Variants in NBEA observed in about 807,000 individuals in gnomAD.
NBEA encodes the protein neurobeachin, also known as lysosomal-trafficking regulator 2.
A neutral mutation model predicts 343.4 loss-of-function variants in NBEA; 44 were observed. The ratio of observed to expected loss-of-function variants is 0.13; its 90% CI spans 0.10 to 0.16. NBEA has a LOEUF of 0.16. Among genes scored for constraint, NBEA ranks in the 10% least tolerant of loss-of-function variants. The pLI, the probability that NBEA is intolerant of heterozygous loss-of-function variation, is 1.00. For synonymous variants in NBEA, 1,175 were observed against 1,238.7 expected (o/e 0.95, Z 1.08); for missense variants, 2,555 against 3,631.3 (o/e 0.70, Z 7.62).
intron 40 of NBEA, among the ~76,000 whole-genome samples, chr13:35,467,343 G>GCA (rs2075428367): frequency 6.6e-6 from 1 of 152,008 alleles, no homozygotes; most frequent in Non-Finnish European, 1.5e-5. Context: ...ATGGTGGTAT[G>GCA]CACCTGTAAT....
At chr13:35,037,368 C>A (rs1482292500) in intron 1 of NBEA, among the ~76,000 whole-genome samples, 1 of 152,154 alleles carries the variant, frequency 6.6e-6, no homozygotes, top group African/African-American at 2.4e-5. Context: ...AAAGGTCACA[C>A]ACATATCTTT....
chr13:35,310,135 A>T (rs892793216), intron 36 of NBEA, among the ~76,000 whole-genome samples: 1 of 152,118 alleles, frequency 6.6e-6, no homozygotes. Context: ...CCAAAAATAC[A>T]TTGACATTTA....
chr13:34,977,774 C>T (rs1320778352), intron 1 of NBEA, among the ~76,000 whole-genome samples: 2 of 152,126 alleles, frequency 1.3e-5, no homozygotes, highest in African/African-American at 4.8e-5. Flanking sequence ...ACTAGGCATT[C>T]AATCACTATT....
intron 39 of NBEA, among the ~76,000 whole-genome samples, chr13:35,449,487 T>C (rs1043872539): frequency 2.0e-5 from 3 of 152,190 alleles, no homozygotes; most frequent in Admixed American, 6.5e-5. Flanking sequence ...GTTCAGTTAA[T>C]AGTATTCAGG....
chr13:35,412,255 C>T (rs998807028), intron 38 of NBEA, among the ~76,000 whole-genome samples: 1 of 152,110 alleles, frequency 6.6e-6, no homozygotes, highest in Non-Finnish European at 1.5e-5. Flanking sequence ...CTATATATCA[C>T]TGAGAATACA....
chr13:35,535,751 G>C, intron 41 of NBEA, among the ~76,000 whole-genome samples: 1 of 152,138 alleles, frequency 6.6e-6, no homozygotes, highest in South Asian at 2.1e-4. Context: ...ACAAACTTTA[G>C]AGTCTGTGTG....
chr13:35,280,168 A>G (rs543802278), intron 34 of NBEA, among the ~76,000 whole-genome samples: 4 of 152,256 alleles, frequency 2.6e-5, no homozygotes, highest in African/African-American at 9.6e-5. Context: ...CCAACCAAAT[A>G]TATTCTTCTG....
At chr13:34,971,780 T>A (rs942407726) in intron 1 of NBEA, among the ~76,000 whole-genome samples, 1 of 152,074 alleles carries the variant, frequency 6.6e-6, no homozygotes, top group African/African-American at 2.4e-5. Flanking sequence ...GATTTTTGCA[T>A]CGATATTCAT....
chr13:35,566,719 C>G (rs1212281299), intron 44 of NBEA, among the ~76,000 whole-genome samples, 186 bp from the exon 45 acceptor site: 1 of 152,160 alleles, frequency 6.6e-6, no homozygotes, highest in African/African-American at 2.4e-5. Context: ...AATAGTAATT[C>G]TAGTTACGTC....
At chr13:35,369,527 G>A (rs2041313754) in intron 38 of NBEA, among the ~76,000 whole-genome samples, 2 of 151,888 alleles carry the variant, frequency 1.3e-5, no homozygotes, top group East Asian at 3.9e-4. Context: ...AGCATTGGAT[G>A]TCTTTCCCTC....
intron 23 of NBEA, 84 bp from the exon 24 acceptor site, chr13:35,164,272 T>C: frequency 8.1e-7 from 1 of 1,236,658 alleles, no homozygotes; most frequent in Middle Eastern, 2.3e-4. Flanking sequence ...TACAGTTCTA[T>C]AATTTTTCAC....
chr13:35,136,297 G>T (rs1457082839), intron 17 of NBEA, among the ~76,000 whole-genome samples: 4 of 152,052 alleles, frequency 2.6e-5, no homozygotes, highest in Non-Finnish European at 5.9e-5. Context: ...GATATACCTG[G>T]TTTTTCTTCT....
At chr13:35,465,431 T>C (rs1158174959) in intron 40 of NBEA, among the ~76,000 whole-genome samples, 2 of 152,082 alleles carry the variant, frequency 1.3e-5, no homozygotes, top group Non-Finnish European at 2.9e-5. Flanking sequence ...ACTATGGAAA[T>C]ATAAAGGCAA....
intron 1 of NBEA, among the ~76,000 whole-genome samples, chr13:35,005,241 A>G (rs1261966097): frequency 6.7e-6 from 1 of 149,962 alleles, no homozygotes; most frequent in Admixed American, 6.7e-5. Context: ...TCTGACCATG[A>G]TAATAAAGAT....
intron 1 of NBEA, among the ~76,000 whole-genome samples, chr13:34,961,938 G>C (rs1209623780): frequency 6.6e-6 from 1 of 152,004 alleles, no homozygotes; most frequent in African/African-American, 2.4e-5. Context: ...ACTTAATTTT[G>C]AGGGCTAGGT....
chr13:35,208,516 A>G (rs961789900), intron 31 of NBEA, among the ~76,000 whole-genome samples, 184 bp from the exon 32 acceptor site: 1 of 152,218 alleles, frequency 6.6e-6, no homozygotes, highest in Non-Finnish European at 1.5e-5. Context: ...AACACACTTT[A>G]TAATATATCC....
At chr13:35,022,630 A>T (rs1254810365) in intron 1 of NBEA, among the ~76,000 whole-genome samples, 1 of 152,086 alleles carries the variant, frequency 6.6e-6, no homozygotes, top group East Asian at 1.9e-4. Flanking sequence ...TAAAGGTTAA[A>T]TGCTTGGTGG....
intron 33 of NBEA, among the ~76,000 whole-genome samples, chr13:35,229,631 A>G (rs1223074935): frequency 1.3e-5 from 2 of 152,124 alleles, no homozygotes; most frequent in Non-Finnish European, 2.9e-5. Flanking sequence ...AATTGGGGAA[A>G]AGGAGTTTTA....
chr13:35,010,741 A>AAAAATATATATAT (rs1555275017), intron 1 of NBEA, among the ~76,000 whole-genome samples: 1 of 31,966 alleles, frequency 3.1e-5, no homozygotes, highest in African/African-American at 1.0e-4. Context: ...AAAAAAAAAA[A>AAAAATATATATAT]ATATATATAT....
Sources: gnomAD v4.1 joint callset for allele counts (sites outside exome capture counted in the v4.1 genomes callset) on GRCh38, gnomAD v4.1.1 for gene constraint, MANE v1.5 for transcripts, NCBI Gene and HGNC (gene_info 2026-07-23, HGNC 2026-07-21) for gene names.